The following TMEM232 variants were observed in gnomAD, a reference collection of about 807,000 sequenced individuals.
The protein encoded by TMEM232 is transmembrane protein 232.
TMEM232 carries 80 observed loss-of-function variants against 78.8 expected under a neutral mutation model. The observed-to-expected ratio is 1.01, with a 90% CI of 0.85 to 1.22. TMEM232 has a LOEUF of 1.22. Among genes scored for constraint, TMEM232 ranks in the 50% most tolerant of loss-of-function variants. TMEM232 has a pLI of 0.00. For synonymous variants in TMEM232, 297 were observed against 254.3 expected, an observed-to-expected ratio of 1.17 and a Z score of -1.60; for missense variants, 881 against 742.2, an observed-to-expected ratio of 1.19 and a Z score of -2.17.
At chr5:110,564,581 T>G (rs1776117104) in intron 11 of TMEM232, among the ~76,000 whole-genome samples, 1 of 151,970 alleles carries the variant, frequency 6.6e-6, no homozygotes, top group African/African-American at 2.4e-5. Context: ...ATTGAGGAAC[T>G]TTTGAAAGTG....
chr5:110,547,991 C>G (rs185568458), intron 11 of TMEM232, among the ~76,000 whole-genome samples: 3 of 136,980 alleles, frequency 2.2e-5, no homozygotes, highest in African/African-American at 8.6e-5. Context: ...CAGCTAGACT[C>G]CATCTCCAAA....
At chr5:110,423,493 A>T (rs966673609) in intron 13 of TMEM232, among the ~76,000 whole-genome samples, 80 of 152,176 alleles carry the variant, frequency 5.3e-4, no homozygotes, top group African/African-American at 1.9e-3. Flanking sequence ...AATTCAATAA[A>T]CCTTCCAAAA....
intron 10 of TMEM232, among the ~76,000 whole-genome samples, chr5:110,599,566 CA>C (rs1433415819): frequency 3.3e-5 from 5 of 152,000 alleles, no homozygotes; most frequent in African/African-American, 1.2e-4. Flanking sequence ...TAAAAAAAGA[CA>C]AAGAATGGCA....
chr5:110,663,445 A>T (rs1790078819), intron 2 of TMEM232, among the ~76,000 whole-genome samples: 1 of 152,110 alleles, frequency 6.6e-6, no homozygotes, highest in Non-Finnish European at 1.5e-5. Flanking sequence ...TAGCATAGTT[A>T]TTAGGGAATC....
At chr5:110,738,911 G>C, upstream of TMEM232, 3 of 1,337,866 alleles carry the variant, frequency 2.2e-6, no homozygotes, top group Middle Eastern at 8.1e-4. Flanking sequence ...TTACCGCCGC[G>C]TCTCCCTAGC....
At chr5:110,600,397 A>G (rs1321291039) in intron 10 of TMEM232, among the ~76,000 whole-genome samples, 1 of 152,180 alleles carries the variant, frequency 6.6e-6, no homozygotes, top group East Asian at 1.9e-4. Context: ...AAAGAATAAC[A>G]AAATAGATAG....
intron 11 of TMEM232, among the ~76,000 whole-genome samples, chr5:110,566,081 T>C (rs1422328695): frequency 6.6e-6 from 1 of 151,960 alleles, no homozygotes; most frequent in African/African-American, 2.4e-5. Flanking sequence ...CATTTTTCCA[T>C]TATATTAGCT....
intron 12 of TMEM232, among the ~76,000 whole-genome samples, chr5:110,526,609 T>C (rs1243498864): frequency 6.6e-6 from 1 of 151,956 alleles, no homozygotes; most frequent in African/African-American, 2.4e-5. Context: ...CTGGTGAGGA[T>C]ATAAACTTGC....
intron 12 of TMEM232, among the ~76,000 whole-genome samples, chr5:110,461,828 C>T (rs1479450615): frequency 6.6e-6 from 1 of 152,102 alleles, no homozygotes; most frequent in Non-Finnish European, 1.5e-5. Flanking sequence ...AATGACAGCA[C>T]ATGTTTTTAC....
At chr5:110,517,493 A>G (rs1768847372) in intron 12 of TMEM232, among the ~76,000 whole-genome samples, 1 of 152,196 alleles carries the variant, frequency 6.6e-6, no homozygotes, top group South Asian at 2.1e-4. Context: ...GCCAGGCCTG[A>G]TCTAGGCTTG....
At chr5:110,481,888 T>C (rs1341520525) in intron 12 of TMEM232, among the ~76,000 whole-genome samples, 1 of 152,124 alleles carries the variant, frequency 6.6e-6, no homozygotes, top group African/African-American at 2.4e-5. Flanking sequence ...TGAAAGCTAA[T>C]AAGAATAGGC....
intron 3 of TMEM232, among the ~76,000 whole-genome samples, chr5:110,391,297 G>A (rs1157518019): frequency 6.0e-5 from 8 of 133,892 alleles, no homozygotes; most frequent in African/African-American, 2.8e-4. Flanking sequence ...TTGAATGTGT[G>A]TGTGTGTGTG....
At chr5:110,612,657 G>A (rs1782455593) in intron 8 of TMEM232, among the ~76,000 whole-genome samples, 1 of 152,108 alleles carries the variant, frequency 6.6e-6, no homozygotes, top group African/African-American at 2.4e-5. Flanking sequence ...GAAAACACTT[G>A]CCATGTTCAA....
chr5:110,396,010 A>C (rs969949419), intron 3 of TMEM232, among the ~76,000 whole-genome samples: 2 of 152,154 alleles, frequency 1.3e-5, no homozygotes, highest in Non-Finnish European at 2.9e-5. Context: ...CCATTTTCAT[A>C]GTGCTATAAA....
intron 3 of TMEM232, among the ~76,000 whole-genome samples, chr5:110,397,048 TTTC>T (rs1415418074): frequency 1.3e-5 from 2 of 152,258 alleles, no homozygotes; most frequent in Non-Finnish European, 2.9e-5. Flanking sequence ...GGAAGAAATA[TTTC>T]CTTTCCTTTC....
chr5:110,601,417 C>T (rs539821731), intron 10 of TMEM232, among the ~76,000 whole-genome samples: 1 of 152,102 alleles, frequency 6.6e-6, no homozygotes, highest in African/African-American at 2.4e-5. Flanking sequence ...TGGCTCAGCC[C>T]AAAAACTCCT....
chr5:110,676,774 T>TAATA (rs1251404007), intron 1 of TMEM232, among the ~76,000 whole-genome samples: 1 of 145,070 alleles, frequency 6.9e-6, no homozygotes, highest in East Asian at 2.0e-4. Context: ...TTTATTTATT[T>TAATA]AATATACGGA....
At chr5:110,626,453 T>G (rs1021326828) in intron 6 of TMEM232, among the ~76,000 whole-genome samples, 14 of 152,086 alleles carry the variant, frequency 9.2e-5, no homozygotes, top group Non-Finnish European at 1.6e-4. Context: ...TTGATTAGTC[T>G]CCATAACACT....
At chr5:110,718,388 A>T (rs948014682) in intron 1 of TMEM232, among the ~76,000 whole-genome samples, 1 of 152,150 alleles carries the variant, frequency 6.6e-6, no homozygotes, top group African/African-American at 2.4e-5. Context: ...ATTGATGAGA[A>T]GCATTTCTGG....
Sources: gnomAD v4.1 joint callset for allele counts (sites outside exome capture counted in the v4.1 genomes callset) on GRCh38, gnomAD v4.1.1 for gene constraint, MANE v1.5 for transcripts, NCBI Gene and HGNC (gene_info 2026-07-23, HGNC 2026-07-21) for gene names.